Variants in SMARCB1 observed in about 807,000 individuals in gnomAD.
SMARCB1 encodes the protein SWI/SNF related BAF chromatin remodeling complex subunit B1.
In SMARCB1, 5 loss-of-function variants were observed where a neutral mutation model predicts 49.0. The observed-to-expected ratio is 0.10, with a 90% CI of 0.05 to 0.21. SMARCB1 has a LOEUF of 0.21. Ranked by LOEUF, SMARCB1 falls within the 10% of genes least tolerant of loss-of-function variation. The pLI is 1.00. For missense variants in SMARCB1, 226 were observed against 509.2 expected (o/e 0.44, Z 5.35); for synonymous variants, 201 against 200.1 (o/e 1.00, Z -0.04).
At chr22:23,799,251 C>T (rs754335139) in intron 3 of SMARCB1, among the ~76,000 whole-genome samples, 1 of 151,880 alleles carries the variant, frequency 6.6e-6, no homozygotes, top group Non-Finnish European at 1.5e-5. Flanking sequence ...TCACCCAGCC[C>T]TGGAGCCTTA....
At chr22:23,811,552 A>G (rs753116636) in intron 5 of SMARCB1, among the ~76,000 whole-genome samples, 3 of 152,256 alleles carry the variant, frequency 2.0e-5, no homozygotes, top group Non-Finnish European at 4.4e-5. Context: ...CTCCAACCAC[A>G]ATTGACTCAA....
intron 1 of SMARCB1, among the ~76,000 whole-genome samples, chr22:23,788,690 G>A (rs1318334621): frequency 1.3e-5 from 2 of 152,194 alleles, no homozygotes; most frequent in Non-Finnish European, 1.5e-5. Flanking sequence ...ACAGGTGTGA[G>A]CTACTGCACT....
intron 5 of SMARCB1, among the ~76,000 whole-genome samples, chr22:23,807,961 A>ATTT (rs374625560): frequency 9.5e-6 from 1 of 105,250 alleles, no homozygotes; most frequent in African/African-American, 3.8e-5. Context: ...CACCCGGCTA[A>ATTT]TTTTTTTTTT....
chr22:23,806,919 CAAAAAAAAAA>C (rs61000279), intron 5 of SMARCB1, among the ~76,000 whole-genome samples: 1 of 86,868 alleles, frequency 1.2e-5, no homozygotes, highest in Non-Finnish European at 2.4e-5. Flanking sequence ...GACTCTATCT[CAAAAAAAAAA>C]AAAAAAAAAA....
rs146792882 is a variant in SMARCB1, at chr22:23,822,629, C to A, written c.796-2596C>A. Among the ~76,000 whole-genome samples the A allele has an allele frequency of 5.4e-3, 819 of 152,350 alleles. 6 individuals carry two copies. Among genetic ancestry groups the A allele is most frequent in the African/African-American group, 0.019 (786 of 41,576 alleles). On this transcript the variant is annotated intron_variant, in intron 6 of 8. Coordinates refer to ENST00000644036, the MANE Select transcript of SMARCB1 (RefSeq NM_003073.5). ...AAGGCCTCAGGGCCCTAACTGCTCT[C>A]TGCTACAGTCCCTCGCCACCCTCAT...
chr22:23,817,033 C>T (rs1322231941), intron 6 of SMARCB1, 97 bp downstream of exon 6: 33 of 975,640 alleles, frequency 3.4e-5, no homozygotes, highest in Non-Finnish European at 4.9e-5. Context: ...AGCAGAAGCC[C>T]GTCTTTGGGT....
chr22:23,787,508 G>T (rs1928088054), intron 1 of SMARCB1, among the ~76,000 whole-genome samples: 1 of 152,206 alleles, frequency 6.6e-6, no homozygotes, highest in African/African-American at 2.4e-5. Context: ...TTTTGGCGCC[G>T]CGAGGGGCCC....
chr22:23,788,351 C>T (rs2145954509), intron 1 of SMARCB1, among the ~76,000 whole-genome samples: 1 of 152,350 alleles, frequency 6.6e-6, no homozygotes, highest in Non-Finnish European at 1.5e-5. Context: ...TTAAAGCTAT[C>T]ATGAAATGCC....
intron 6 of SMARCB1, among the ~76,000 whole-genome samples, chr22:23,821,093 C>A (rs1334992480): frequency 6.6e-6 from 1 of 152,212 alleles, no homozygotes; most frequent in Non-Finnish European, 1.5e-5. Context: ...TGGGGCTGTT[C>A]CCTGCCCCAC....
At chr22:23,806,962 T>C (rs1929535439) in intron 5 of SMARCB1, among the ~76,000 whole-genome samples, 1 of 149,732 alleles carries the variant, frequency 6.7e-6, no homozygotes, top group South Asian at 2.1e-4. Context: ...TTTTCTCAGG[T>C]TTCTGGTAGG....
intron 2 of SMARCB1, chr22:23,792,310 ACATC>A (rs1165948503): frequency 2.8e-6 from 1 of 351,126 alleles, no homozygotes; most frequent in Non-Finnish European, 5.6e-6. Flanking sequence ...TTCCTGGAGC[ACATC>A]CATCCCATAG....
chr22:23,804,618 A>G (rs565165732), intron 5 of SMARCB1, among the ~76,000 whole-genome samples: 9 of 152,270 alleles, frequency 5.9e-5, no homozygotes, highest in Admixed American at 2.6e-4. Flanking sequence ...ATCTCGGCTC[A>G]CTGCAACCTC....
At position 23,835,901 on chromosome 22, in the gene SMARCB1, T is replaced by A. The variant is rs1487122396; in HGVS notation, c.*1721T>A. 1.0e-5 allele frequency: 10 copies of A among 985,302 alleles called. No homozygotes were observed. Among genetic ancestry groups the A allele is most frequent in the Non-Finnish European group, 1.2e-5 (10 of 829,958 alleles). The allele number at this position is 985,302 out of a possible 1,614,324, so 61.0% of individuals were successfully genotyped here. A position where few individuals can be genotyped will look rare whatever the true frequency, so the allele number is the denominator to read the frequency against. ...GCCAGCTCACACCGCCGCAAAGCCA[T>A]CTCCACAAGGTCTGGCTACAACACG... On this transcript the variant is annotated 3_prime_UTR_variant, in exon 9 of 9. Transcript: ENST00000644036.
chr22:23,836,111 C>CCTCAG lies in SMARCB1; in HGVS notation c.*1934_*1938dup. 1.0e-6 allele frequency: 1 copy of CCTCAG among 985,440 alleles called. No homozygotes were observed. Among genetic ancestry groups the CCTCAG allele is most frequent in the South Asian group, 4.7e-5 (1 of 21,284 alleles). The allele number at this position is 985,440 out of a possible 1,614,324, so 61.0% of individuals were successfully genotyped here. On this transcript the variant is annotated 3_prime_UTR_variant, in exon 9 of 9. Transcript: ENST00000644036. ...GGGGTCGGATAAGGCTCACACACGT[C>CCTCAG]CTCAGCTAAAAAGGGCAGGAACAGA...
chr22:23,830,694 G>C (rs956374947), intron 7 of SMARCB1, among the ~76,000 whole-genome samples: 4 of 120,230 alleles, frequency 3.3e-5, no homozygotes, highest in African/African-American at 1.4e-4. Flanking sequence ...AGACAGTCTC[G>C]CTGTGTCACC....
intron 3 of SMARCB1, among the ~76,000 whole-genome samples, chr22:23,797,421 G>A (rs1928836421): frequency 6.7e-6 from 1 of 148,282 alleles, no homozygotes; most frequent in Non-Finnish European, 1.5e-5. Flanking sequence ...CCATTCTCCT[G>A]CCTCAGCCTC....
chr22:23,803,421 T>A lies in SMARCB1; in HGVS notation c.627T>A (p.Asn209Lys), dbSNP rs1425259448. The change falls in exon 5 of 9, where the codon AAT (asparagine) becomes AAA (lysine). Residue 209 changes from asparagine to lysine, a missense_variant and splice_region_variant. Transcript: ENST00000644036. ...KLRDAFTWNMNEKLMTPEMFS... is the reference protein window; with the variant it reads ...KLRDAFTWNMKEKLMTPEMFS... ...GAGACGCCTTCACCTGGAACATGAA[T>A]GGTACAAGGCAGTCGGGCTTGGCTG... The A allele has an allele frequency of 6.2e-7, 1 of 1,614,098 alleles. No homozygotes were observed. Among genetic ancestry groups the A allele is most frequent in the South Asian group, 1.1e-5 (1 of 91,088 alleles).
intron 3 of SMARCB1, among the ~76,000 whole-genome samples, chr22:23,795,914 TG>T (rs1294565842): frequency 6.6e-6 from 1 of 150,950 alleles, no homozygotes; most frequent in East Asian, 2.0e-4. Context: ...CCTCAGCCTC[TG>T]GAGTAGCTGG....
chr22:23,794,665 G>A (rs1180279954), intron 3 of SMARCB1, among the ~76,000 whole-genome samples: 3 of 152,196 alleles, frequency 2.0e-5, no homozygotes, highest in Non-Finnish European at 2.9e-5. Context: ...TTGGGAGGCC[G>A]AGGTGGGCAG....
Sources: gnomAD v4.1 joint callset for allele counts (sites outside exome capture counted in the v4.1 genomes callset) on GRCh38, gnomAD v4.1.1 for gene constraint, MANE v1.5 for transcripts, NCBI Gene and HGNC (gene_info 2026-07-23, HGNC 2026-07-21) for gene names.